SMURF2: variants seen among roughly 807,000 people sequenced by gnomAD.
SMURF2 encodes SMAD specific E3 ubiquitin protein ligase 2, also known as E3 ubiquitin-protein ligase SMURF2.
A neutral mutation model predicts 109.6 loss-of-function variants in SMURF2; 48 were observed. That is an observed-to-expected ratio of 0.44 (90% CI 0.35 to 0.56). SMURF2 has a LOEUF of 0.56. Ranked by LOEUF, SMURF2 falls within the 20% of genes least tolerant of loss-of-function variation. SMURF2 has a pLI of 0.01. For missense variants in SMURF2, 575 were observed against 909.0 expected, an observed-to-expected ratio of 0.63 and a Z score of 4.72; for synonymous variants, 288 against 317.1, an observed-to-expected ratio of 0.91 and a Z score of 0.97.
intron 1 of SMURF2, among the ~76,000 whole-genome samples, chr17:64,652,650 C>A (rs1970655441): frequency 6.6e-6 from 1 of 152,154 alleles, no homozygotes; most frequent in Non-Finnish European, 1.5e-5. Flanking sequence ...ACACACCTGG[C>A]TAATTTTTTA....
intron 10 of SMURF2, among the ~76,000 whole-genome samples, chr17:64,568,265 T>C (rs1397784115): frequency 6.6e-6 from 1 of 152,140 alleles, no homozygotes; most frequent in East Asian, 1.9e-4. Flanking sequence ...GCTGGGATTA[T>C]AGGCGTTGAG....
intron 1 of SMURF2, among the ~76,000 whole-genome samples, chr17:64,648,092 A>C (rs1184903198): frequency 8.1e-5 from 10 of 123,658 alleles, no homozygotes; most frequent in South Asian, 2.6e-4. Context: ...AAAAAAAAAA[A>C]CAGGATCTCA....
chr17:64,599,005 A>C (rs1969855973), intron 2 of SMURF2, among the ~76,000 whole-genome samples: 1 of 152,260 alleles, frequency 6.6e-6, no homozygotes, highest in Non-Finnish European at 1.5e-5. Flanking sequence ...CTGCCTTAAA[A>C]GAGCTTACTA....
At chr17:64,605,744 A>AATATATAT (rs71158333) in intron 2 of SMURF2, among the ~76,000 whole-genome samples, 2,689 of 98,938 alleles carry the variant, frequency 0.027, 58 homozygotes, top group Non-Finnish European at 0.03. Context: ...CTCTAAAAAG[A>AATATATAT]ATATATATAT....
chr17:64,660,580 C>G (rs969777491), intron 1 of SMURF2, among the ~76,000 whole-genome samples: 3 of 152,220 alleles, frequency 2.0e-5, no homozygotes, highest in Non-Finnish European at 2.9e-5. Flanking sequence ...AAGTTTTCAT[C>G]CAGCAAGTTC....
chr17:64,623,377 G>A (rs1332310374), intron 1 of SMURF2, among the ~76,000 whole-genome samples: 1 of 152,016 alleles, frequency 6.6e-6, no homozygotes, highest in Non-Finnish European at 1.5e-5. Flanking sequence ...TATAAACACC[G>A]AACCTCTGAG....
chr17:64,617,923 T>C (rs953442547), intron 1 of SMURF2, among the ~76,000 whole-genome samples: 1 of 152,178 alleles, frequency 6.6e-6, no homozygotes. Context: ...GATGAGACTA[T>C]ACAAATAAGC....
intron 10 of SMURF2, among the ~76,000 whole-genome samples, chr17:64,568,369 G>A (rs900415776): frequency 2.6e-5 from 4 of 152,154 alleles, no homozygotes; most frequent in African/African-American, 4.8e-5. Context: ...CCTAAGGGCC[G>A]TGAGTTGGAC....
chr17:64,614,708 G>C (rs1970098241), intron 1 of SMURF2, among the ~76,000 whole-genome samples: 1 of 152,188 alleles, frequency 6.6e-6, no homozygotes, highest in African/African-American at 2.4e-5. Context: ...GATACTTAGG[G>C]AGAAAGGAAT....
In SMURF2 at chr17:64,547,953, T is replaced by G; in HGVS notation, c.1870-152A>C. ...GAATCATCTGAAAAGCTTTTCAAAT[T>G]GACATTCCAGGTCCTAGGCTCAGAG... On this transcript the variant is annotated intron_variant, in intron 16 of 18. Transcript: ENST00000262435. The surrounding 1 kb of genome is among the most constrained non-coding windows in gnomAD (Gnocchi z 4.2). 1 of 667,962 alleles carries G rather than the reference T, an allele frequency of 1.5e-6. No homozygotes were observed. The highest frequency in any genetic ancestry group is 2.8e-5 in the Admixed American group (1 of 36,350). 41.4% of individuals were successfully genotyped at this position (667,962 alleles called of 1,614,324 possible).
intron 1 of SMURF2, among the ~76,000 whole-genome samples, chr17:64,658,023 A>T (rs1297214506): frequency 2.6e-5 from 4 of 152,014 alleles, no homozygotes; most frequent in Non-Finnish European, 5.9e-5. Context: ...AAATAAAACA[A>T]ATTGGGGACA....
intron 1 of SMURF2, among the ~76,000 whole-genome samples, chr17:64,618,670 C>G (rs1326159489): frequency 1.3e-5 from 2 of 152,248 alleles, no homozygotes; most frequent in Non-Finnish European, 2.9e-5. Context: ...TAAATTAAAC[C>G]ACACAATTTA....
intron 4 of SMURF2, among the ~76,000 whole-genome samples, chr17:64,591,710 A>G (rs1448842714): frequency 6.6e-6 from 1 of 152,242 alleles, no homozygotes; most frequent in African/African-American, 2.4e-5. Flanking sequence ...TGAAAGTTAC[A>G]GTAAGGAACA....
intron 7 of SMURF2, among the ~76,000 whole-genome samples, chr17:64,582,829 C>T (rs1598281520): frequency 6.6e-6 from 1 of 151,864 alleles, no homozygotes; most frequent in South Asian, 2.1e-4. Context: ...GAACTCCTGA[C>T]CTCAAGTGAT....
intron 16 of SMURF2, among the ~76,000 whole-genome samples, chr17:64,549,060 G>C (rs575605089): frequency 6.6e-6 from 1 of 151,950 alleles, no homozygotes; most frequent in African/African-American, 2.4e-5. Context: ...GAGGCATGCA[G>C]ATCACTTGAG....
chr17:64,560,187 G>A (rs1211712223), intron 12 of SMURF2, among the ~76,000 whole-genome samples: 4 of 151,704 alleles, frequency 2.6e-5, no homozygotes, highest in African/African-American at 9.7e-5. Context: ...TGCACTCCAT[G>A]GAGCCTGGGT....
rs1969847733 is a variant in SMURF2 at position 64,598,462 on chromosome 17, C to T, written c.120G>A (p.Val40=). The T allele has an allele frequency of 6.2e-7, 1 of 1,608,354 alleles. No homozygotes were observed. Among genetic ancestry groups the T allele is most frequent in the Non-Finnish European group, 8.5e-7 (1 of 1,178,272 alleles). The change falls in exon 3 of 19, where the codon GTG becomes GTA. Residue 40 remains valine, a synonymous_variant. Transcript: ENST00000262435. The stretch of plus-strand genomic sequence containing the variant: ...AATGGCATTGCCCAGATCCATCAAC[C>T]ACCACCTTAGCAAATGGATCAGGAA... ...FRLPDPFAKV[V]VDGSGQCHST...
At chr17:64,642,522 G>A (rs1970505412) in intron 1 of SMURF2, among the ~76,000 whole-genome samples, 1 of 152,124 alleles carries the variant, frequency 6.6e-6, no homozygotes, top group Non-Finnish European at 1.5e-5. Context: ...GCCATTTATT[G>A]CAGAAGCATC....
At position 64,555,968 on chromosome 17, in the gene SMURF2, G is replaced by A. The variant is rs1202846325; in HGVS notation, c.1462C>T (p.Arg488Ter). 4 of 1,610,982 alleles carry A rather than the reference G, an allele frequency of 2.5e-6. No individual in the cohort carries two copies. Among genetic ancestry groups the A allele is most frequent in the Non-Finnish European group, 2.5e-6 (3 of 1,178,386 alleles). The change falls in exon 14 of 19, where the codon CGA becomes TGA. Residue 488 changes from arginine to a stop codon, truncating the protein, a stop_gained. Transcript: ENST00000262435. LOFTEE classifies it high-confidence loss of function. ...EHLSYFHFVG[R>*]IMGMAVFHGH... ...TGAAACACAGCCATTCCCATTATTC[G>A]TCCAACAAAGTGGAAATAGGATAAA...
Sources: allele counts gnomAD v4.1 joint callset (sites outside exome capture counted in the v4.1 genomes callset), GRCh38; gene constraint gnomAD v4.1.1; non-coding constraint Gnocchi (gnomAD v3.1); transcripts MANE v1.5; gene names NCBI Gene and HGNC (gene_info 2026-07-23, HGNC 2026-07-21).